Variants in CSNK1G1 observed in about 807,000 individuals in gnomAD.
CSNK1G1 encodes casein kinase 1 gamma 1, also known as casein kinase I isoform gamma-1.
A neutral mutation model predicts 59.6 loss-of-function variants in CSNK1G1; 22 were observed. The ratio of observed to expected loss-of-function variants is 0.37; its 90% CI spans 0.26 to 0.53. The LOEUF is 0.53. Ranked by LOEUF, CSNK1G1 falls within the 20% of genes least tolerant of loss-of-function variation. The pLI, the probability that CSNK1G1 is intolerant of heterozygous loss-of-function variation, is 0.89. For missense variants in CSNK1G1, 384 were observed against 519.5 expected (o/e 0.74, Z 2.54); for synonymous variants, 179 against 177.1 (o/e 1.01, Z -0.08).
rs189077187 is a variant in CSNK1G1 at position 64,215,083 on chromosome 15, G to A, written c.445-959C>T. On this transcript the variant is annotated intron_variant, in intron 5 of 11. Transcript: ENST00000303052. ...CACAAAGTGCTGGGATTATAGACAC[G>A]AGCCACCATGCCTGGCCAGGGCTAT... is the stretch of plus-strand genomic sequence containing the variant. Among the ~76,000 whole-genome samples, 22 of 148,744 alleles carry A rather than the reference G, an allele frequency of 1.5e-4. No homozygotes were observed. The East Asian group carries it at 4.2e-3, about 29-fold the overall frequency.
intron 4 of CSNK1G1, among the ~76,000 whole-genome samples, chr15:64,232,702 C>A (rs1371379705): frequency 1.3e-5 from 2 of 152,184 alleles, no homozygotes; most frequent in African/African-American, 4.8e-5. Flanking sequence ...TTATTTTAGA[C>A]TGAGACTTCC....
intron 4 of CSNK1G1, among the ~76,000 whole-genome samples, chr15:64,222,854 A>G (rs1047435713): frequency 2.6e-5 from 4 of 152,154 alleles, no homozygotes; most frequent in Admixed American, 1.3e-4. Context: ...TGATTAATAT[A>G]AGGATTCAGA....
intron 1 of CSNK1G1, among the ~76,000 whole-genome samples, chr15:64,341,227 A>G (rs142900378): frequency 0.62 from 3,919 of 6,366 alleles, 1,734 homozygotes; most frequent in African/African-American, 0.71. Context: ...GGATGGTCTC[A>G]ATCTCTTGAC....
chr15:64,256,782 C>A (rs62021607), intron 3 of CSNK1G1, among the ~76,000 whole-genome samples: 1 of 152,054 alleles, frequency 6.6e-6, no homozygotes, highest in African/African-American at 2.4e-5. Flanking sequence ...AAAGAGTCCA[C>A]AATGAAGATC....
intron 2 of CSNK1G1, among the ~76,000 whole-genome samples, 155 bp from the exon 3 acceptor site, chr15:64,259,396 G>A (rs1225612974): frequency 1.3e-5 from 2 of 151,882 alleles, no homozygotes; most frequent in Non-Finnish European, 2.9e-5. Flanking sequence ...CAGAGATAAT[G>A]AGATCTAGCA....
Position 64,228,041 on chromosome 15 carries a change from G to A in CSNK1G1, c.293-11328C>T, listed in dbSNP as rs1423410479. 2.6e-5 allele frequency among the ~76,000 whole-genome samples: 4 copies of A among 151,990 alleles called. No individual in the cohort carries two copies. The East Asian group carries it at 7.7e-4, about 29-fold the overall frequency. On this transcript the variant is annotated intron_variant, in intron 4 of 11. Transcript: ENST00000303052. The stretch of plus-strand genomic sequence containing the variant: ...CATAAATCCCCCACTATGCTCCACA[G>A]GCAGCTTGATTTGTCCTACTCACCC...
chr15:64,319,917 C>CTTT (rs148166902), intron 1 of CSNK1G1, among the ~76,000 whole-genome samples: 786 of 65,942 alleles, frequency 0.012, 42 homozygotes, highest in African/African-American at 0.035. Context: ...TAGATCAGGG[C>CTTT]TTTTTTTTTT....
At chr15:64,325,674 TAAGAC>T (rs144484183) in intron 1 of CSNK1G1, among the ~76,000 whole-genome samples, 2,422 of 152,314 alleles carry the variant, frequency 0.016, 67 homozygotes, top group African/African-American at 0.056. Flanking sequence ...TTTACAGTAA[TAAGAC>T]AAGCATCTTT....
intron 1 of CSNK1G1, among the ~76,000 whole-genome samples, chr15:64,340,884 G>C (rs1184056080): frequency 6.6e-6 from 1 of 152,090 alleles, no homozygotes; most frequent in Non-Finnish European, 1.5e-5. Flanking sequence ...TTAAAGCCTG[G>C]GTAGTTGGTA....
intron 1 of CSNK1G1, among the ~76,000 whole-genome samples, chr15:64,320,695 A>G (rs1389274852): frequency 1.3e-5 from 2 of 151,410 alleles, no homozygotes; most frequent in African/African-American, 2.4e-5. Context: ...AAAAAAAAAA[A>G]AGAAAAAAGA....
chr15:64,169,787 A>G lies in CSNK1G1; in HGVS notation c.*2144T>C, dbSNP rs2081644387. 1 of 152,174 alleles carries G rather than the reference A, an allele frequency of 6.6e-6. No homozygotes were observed. The highest frequency in any genetic ancestry group is 2.1e-4 in the South Asian group (1 of 4,830). The allele number at this position is 152,174 out of a possible 1,614,324, so 9.4% of individuals were successfully genotyped here. A position where few individuals can be genotyped will look rare whatever the true frequency, so the allele number is the denominator to read the frequency against. The stretch of plus-strand genomic sequence containing the variant: ...ATATAGAAACATTTATAGAAATGAC[A>G]TATTACCATCTTTTCATAAGCTAAG... On this transcript the variant is annotated 3_prime_UTR_variant, in exon 12 of 12. Transcript: ENST00000303052.
chr15:64,280,845 T>C (rs1407246705), intron 2 of CSNK1G1, among the ~76,000 whole-genome samples: 4 of 152,106 alleles, frequency 2.6e-5, no homozygotes, highest in Admixed American at 6.5e-5. Context: ...GATATATACA[T>C]ACAATGGATT....
intron 9 of CSNK1G1, among the ~76,000 whole-genome samples, chr15:64,204,127 A>C (rs1407806888): frequency 6.7e-6 from 1 of 148,314 alleles, no homozygotes; most frequent in East Asian, 1.9e-4. Flanking sequence ...CTGGGAAAAC[A>C]AACAAACAAA....
At chr15:64,181,200 T>C in intron 10 of CSNK1G1, 1 of 1,528,216 alleles carries the variant, frequency 6.5e-7, no homozygotes, top group South Asian at 1.2e-5. Context: ...ACGATCTTTA[T>C]TTCAGGTTCA....
At chr15:64,354,018 C>T (rs1322206593) in intron 1 of CSNK1G1, among the ~76,000 whole-genome samples, 1 of 151,252 alleles carries the variant, frequency 6.6e-6, no homozygotes, top group East Asian at 2.0e-4. Context: ...CTTAAAATTA[C>T]AAGTAGGCCG....
intron 6 of CSNK1G1, among the ~76,000 whole-genome samples, chr15:64,212,075 T>C (rs1199577248): frequency 6.6e-6 from 1 of 152,196 alleles, no homozygotes; most frequent in Non-Finnish European, 1.5e-5. Context: ...ACATGGTGCT[T>C]TCACATATAT....
intron 10 of CSNK1G1, 37 bp from the exon 11 acceptor site, chr15:64,180,491 T>C (rs2081798334): frequency 2.0e-6 from 3 of 1,534,212 alleles, no homozygotes; most frequent in Non-Finnish European, 2.7e-6. Flanking sequence ...ACAGGCACCA[T>C]GGCAACAGAA....
intron 1 of CSNK1G1, among the ~76,000 whole-genome samples, chr15:64,317,843 G>C (rs1013529813): frequency 1.3e-5 from 2 of 152,150 alleles, no homozygotes; most frequent in Non-Finnish European, 2.9e-5. Flanking sequence ...GATTTCAAAC[G>C]TGGTCTATCT....
intron 10 of CSNK1G1, among the ~76,000 whole-genome samples, chr15:64,185,962 C>A (rs1336749654): frequency 6.6e-6 from 1 of 151,754 alleles, no homozygotes; most frequent in Admixed American, 6.6e-5. Context: ...TACCAAAGAG[C>A]TGCTCTTGCA....
Sources: allele counts gnomAD v4.1 joint callset (sites outside exome capture counted in the v4.1 genomes callset), GRCh38; gene constraint gnomAD v4.1.1; transcripts MANE v1.5; gene names NCBI Gene and HGNC (gene_info 2026-07-23, HGNC 2026-07-21).